Variants in PRTG observed in about 807,000 individuals in gnomAD.
The protein encoded by PRTG is immunoglobulin superfamily, DCC subclass, member 5.
A neutral mutation model predicts 122.5 loss-of-function variants in PRTG; 67 were observed. The observed-to-expected ratio is 0.55, with a 90% confidence interval of 0.45 to 0.67. The LOEUF (loss-of-function observed/expected upper bound fraction) is 0.67. Among genes scored for constraint, PRTG ranks in the 30% least tolerant of loss-of-function variants. The probability of loss-of-function intolerance (pLI) is 0.00; values close to 1 mark genes in which losing one functional copy is unlikely to be tolerated. For missense variants in PRTG, 1,435 were observed against 1,415.4 expected (o/e 1.01, Z -0.22); for synonymous variants, 554 against 501.1 (o/e 1.11, Z -1.41).
intron 2 of PRTG, among the ~76,000 whole-genome samples, chr15:55,700,724 T>C (rs912374774): frequency 6.6e-6 from 1 of 152,138 alleles, no homozygotes; most frequent in Non-Finnish European, 1.5e-5. Flanking sequence ...GAGGCTGTAC[T>C]GAGCCTGGAT....
In PRTG at chr15:55,616,980, C is replaced by A. The variant is rs1324538511; in HGVS notation, c.*3032G>T. The A allele has an allele frequency of 3.9e-5, 6 of 152,020 alleles. No individual in the cohort carries two copies. The highest frequency in any genetic ancestry group is 1.4e-4 in the African/African-American group (6 of 41,412). 9.4% of individuals were successfully genotyped at this position (152,020 alleles called of 1,614,324 possible). A position where few individuals can be genotyped will look rare whatever the true frequency, so the allele number is the denominator to read the frequency against. On this transcript the variant is annotated 3_prime_UTR_variant, in exon 20 of 20. Transcript: ENST00000389286. ...TAATATTTGGCATAAAAATGACATG[C>A]AGGTATCAGTACTTACAGCAAATAC...
At chr15:55,707,365 A>C (rs1388387419) in intron 2 of PRTG, among the ~76,000 whole-genome samples, 4 of 152,220 alleles carry the variant, frequency 2.6e-5, no homozygotes, top group African/African-American at 9.6e-5. Context: ...AGATTCCCTA[A>C]AGGGTTTCAA....
chr15:55,624,271 A>C, intron 18 of PRTG, 71 bp downstream of exon 18: 2 of 1,366,296 alleles, frequency 1.5e-6, no homozygotes, highest in Admixed American at 3.8e-5. Context: ...ATTTTGGGGG[A>C]AGTACATTTT....
At chr15:55,638,781 A>G (rs1233638251) in intron 13 of PRTG, 105 bp from the exon 14 acceptor site, 22 of 911,142 alleles carry the variant, frequency 2.4e-5, no homozygotes, top group Admixed American at 2.3e-4. Context: ...ATTTTTCATT[A>G]CCTCCTTATT....
rs1385239810 is a variant in PRTG, at chr15:55,677,847, T to C, written c.1331A>G (p.Tyr444Cys). The C allele has an allele frequency of 3.1e-6, 5 of 1,613,770 alleles. No homozygotes were observed. The highest frequency in any genetic ancestry group is 1.7e-5 in the Admixed American group (1 of 59,988). ...AILLAWERPL[Y>C]NSDKVIAYSV... ...ATAGGCAATGACTTTGTCTGAATTA[T>C]AAAGTGGCCTCTCCCAGGCTAAAAG... Residue 444 changes from tyrosine to cysteine, a missense_variant, in exon 8 of 20, where the codon TAT (tyrosine) becomes TGT (cysteine). Coordinates refer to ENST00000389286, the MANE Select transcript of PRTG (RefSeq NM_173814.6).
intron 11 of PRTG, among the ~76,000 whole-genome samples, chr15:55,651,154 G>A (rs1344953464): frequency 6.6e-6 from 1 of 152,066 alleles, no homozygotes; most frequent in African/African-American, 2.4e-5. Context: ...AAGAGTATGT[G>A]TAAAAGAGTA....
intron 2 of PRTG, among the ~76,000 whole-genome samples, chr15:55,729,443 C>CA (rs2031153473): frequency 6.6e-6 from 1 of 151,926 alleles, no homozygotes; most frequent in Non-Finnish European, 1.5e-5. Flanking sequence ...AGTGGTGAGG[C>CA]AGACGCACAA....
rs869067847 is a variant in PRTG, at chr15:55,738,025, TAC to T, written c.397+2355_397+2356del. 5.6e-3 allele frequency among the ~76,000 whole-genome samples: 531 copies of T among 95,602 alleles called. 2 individuals are homozygous for T. Among genetic ancestry groups the T allele is most frequent in the Non-Finnish European group, 6.5e-3 (327 of 50,260 alleles). 62.7% of individuals were successfully genotyped at this position (95,602 alleles called of 152,430 possible). ...CTCTATATATATATATATATATATA[TAC>T]ACACACACACACACACACACACACC... On this transcript the variant is annotated intron_variant, in intron 2 of 19. Coordinates refer to ENST00000389286, the MANE Select transcript of PRTG (RefSeq NM_173814.6).
At chr15:55,695,091 T>C (rs565575220) in intron 2 of PRTG, among the ~76,000 whole-genome samples, 3 of 152,206 alleles carry the variant, frequency 2.0e-5, no homozygotes, top group Non-Finnish European at 4.4e-5. Flanking sequence ...TCTTCACCTG[T>C]CTATTTAATC....
intron 11 of PRTG, among the ~76,000 whole-genome samples, chr15:55,667,259 G>C: frequency 6.7e-6 from 1 of 150,134 alleles, no homozygotes; most frequent in Admixed American, 6.6e-5. Context: ...AGCTCTTACA[G>C]TTTCATCAAT....
intron 17 of PRTG, 29 bp downstream of exon 17, chr15:55,626,979 C>A: frequency 6.3e-7 from 1 of 1,578,376 alleles, no homozygotes; most frequent in Non-Finnish European, 8.6e-7. Flanking sequence ...ATGTTTTTCA[C>A]CTCAACATCT....
chr15:55,697,205 T>C (rs1567104351), intron 2 of PRTG, among the ~76,000 whole-genome samples: 1 of 152,180 alleles, frequency 6.6e-6, no homozygotes, highest in African/African-American at 2.4e-5. Flanking sequence ...CTCTTATTAA[T>C]CTCATTAGTA....
intron 2 of PRTG, among the ~76,000 whole-genome samples, chr15:55,725,898 A>C (rs914101483): frequency 6.6e-5 from 10 of 152,080 alleles, no homozygotes; most frequent in Non-Finnish European, 1.2e-4. Context: ...CAGCCTCCGG[A>C]GTAGCTGAGA....
chr15:55,631,683 A>G (rs928854879), intron 15 of PRTG, among the ~76,000 whole-genome samples: 1 of 152,222 alleles, frequency 6.6e-6, no homozygotes, highest in Non-Finnish European at 1.5e-5. Flanking sequence ...GCAAGACAGT[A>G]TAACAGGCTA....
At chr15:55,655,797 G>C (rs1048557581) in intron 11 of PRTG, 1 of 152,096 alleles carries the variant, frequency 6.6e-6, no homozygotes, top group African/African-American at 2.4e-5. Context: ...TTTTTTATAA[G>C]CAATTACTTC....
intron 11 of PRTG, among the ~76,000 whole-genome samples, chr15:55,666,905 A>C (rs2059442221): frequency 6.6e-6 from 1 of 152,206 alleles, no homozygotes; most frequent in Admixed American, 6.5e-5. Flanking sequence ...CTAGGATTTC[A>C]TTTGTTAATA....
intron 2 of PRTG, among the ~76,000 whole-genome samples, chr15:55,725,950 T>C (rs1311891604): frequency 6.6e-6 from 1 of 151,888 alleles, no homozygotes; most frequent in East Asian, 1.9e-4. Flanking sequence ...TTTAGGTTTT[T>C]TGTTTTGTTT....
intron 1 of PRTG, among the ~76,000 whole-genome samples, chr15:55,741,255 A>T (rs961569680): frequency 2.0e-5 from 3 of 152,210 alleles, no homozygotes; most frequent in Admixed American, 2.0e-4. Flanking sequence ...AAAGAAATCC[A>T]TTTACTTAAT....
intron 2 of PRTG, among the ~76,000 whole-genome samples, chr15:55,702,201 C>T (rs1252259790): frequency 3.9e-5 from 6 of 152,160 alleles, no homozygotes; most frequent in Non-Finnish European, 7.3e-5. Context: ...GAAGACAGCA[C>T]ACAGAGATTT....
Sources: allele counts gnomAD v4.1 joint callset (sites outside exome capture counted in the v4.1 genomes callset), GRCh38; gene constraint gnomAD v4.1.1; transcripts MANE v1.5; gene names NCBI Gene and HGNC (gene_info 2026-07-23, HGNC 2026-07-21).